ABLIM1: variants seen among roughly 807,000 people sequenced by gnomAD.
ABLIM1 encodes actin binding LIM protein 1.
In ABLIM1, 40 loss-of-function variants were observed where a neutral mutation model predicts 107.0. The ratio of observed to expected loss-of-function variants is 0.37; its 90% CI spans 0.29 to 0.49. The LOEUF (loss-of-function observed/expected upper bound fraction) is 0.49, where lower values mean the gene tolerates loss of function less well. Ranked by LOEUF, ABLIM1 falls within the 20% of genes least tolerant of loss-of-function variation. The probability of loss-of-function intolerance (pLI) is 0.97; values close to 1 mark genes in which losing one functional copy is unlikely to be tolerated. For synonymous variants in ABLIM1, 357 were observed against 357.3 expected (o/e 1.00, Z 0.01); for missense variants, 857 against 1,008.5 (o/e 0.85, Z 2.04).
chr10:114,665,791 A>G (rs539732318), intron 1 of ABLIM1, among the ~76,000 whole-genome samples: 1 of 152,192 alleles, frequency 6.6e-6, no homozygotes. Flanking sequence ...GAGCCCCCAC[A>G]TCTCAGACTG....
intron 2 of ABLIM1, among the ~76,000 whole-genome samples, chr10:114,580,129 C>A (rs1017843202): frequency 2.0e-5 from 3 of 151,216 alleles, no homozygotes; most frequent in Non-Finnish European, 4.4e-5. Flanking sequence ...ACATCTAGCC[C>A]AGCCATCTTA....
chr10:114,736,917 G>A (rs1159844852), intron 1 of ABLIM1, among the ~76,000 whole-genome samples: 5 of 152,154 alleles, frequency 3.3e-5, no homozygotes, highest in Admixed American at 2.0e-4. Flanking sequence ...GGCCCAGCGC[G>A]GTGGCTCAAG....
intron 4 of ABLIM1, among the ~76,000 whole-genome samples, chr10:114,557,675 T>TG (rs58108899): frequency 0.094 from 12,569 of 134,032 alleles, 1,216 homozygotes; most frequent in African/African-American, 0.29. Context: ...TGAGGTGTTT[T>TG]TTTTTTTTTT....
intron 1 of ABLIM1, among the ~76,000 whole-genome samples, chr10:114,627,855 G>A (rs1303074900): frequency 6.6e-6 from 1 of 152,186 alleles, no homozygotes; most frequent in Admixed American, 6.5e-5. Context: ...GGGAACGGTG[G>A]CTCTTGCCTG....
At chr10:114,531,738 G>C (rs186949927) in intron 6 of ABLIM1, among the ~76,000 whole-genome samples, 3 of 151,936 alleles carry the variant, frequency 2.0e-5, no homozygotes, top group Non-Finnish European at 4.4e-5. Flanking sequence ...GGATGGTCTC[G>C]ATCTCCTGAC....
At chr10:114,784,690 GAAA>G in the ABLIM1 span, among the ~76,000 whole-genome samples, 863 of 118,192 alleles carry the variant, frequency 7.3e-3, 13 homozygotes, top group African/African-American at 0.017. Context: ...AAAAGAAAAA[GAAA>G]AAAAAAAAAA....
At chr10:114,550,047 TA>T (rs1336224010) in intron 4 of ABLIM1, among the ~76,000 whole-genome samples, 3 of 152,200 alleles carry the variant, frequency 2.0e-5, no homozygotes, top group African/African-American at 4.8e-5. Flanking sequence ...CATGATAATG[TA>T]AAAAATTTGA....
At chr10:114,522,248 T>A (rs886179935) in intron 6 of ABLIM1, among the ~76,000 whole-genome samples, 2 of 152,226 alleles carry the variant, frequency 1.3e-5, no homozygotes, top group African/African-American at 2.4e-5. Flanking sequence ...GTCGAACACA[T>A]GTTTTCCTCA....
At chr10:114,589,710 T>C (rs566103899) in intron 2 of ABLIM1, among the ~76,000 whole-genome samples, 1 of 152,332 alleles carries the variant, frequency 6.6e-6, no homozygotes, top group South Asian at 2.1e-4. Context: ...GCCTGGCTCT[T>C]TCTTTTTTCT....
At chr10:114,560,378 A>G (rs907154260) in intron 4 of ABLIM1, among the ~76,000 whole-genome samples, 6 of 152,236 alleles carry the variant, frequency 3.9e-5, no homozygotes, top group Admixed American at 2.6e-4. Flanking sequence ...GACTGCATAC[A>G]TGACGGTAGT....
intron 6 of ABLIM1, among the ~76,000 whole-genome samples, chr10:114,499,868 T>C (rs2060161516): frequency 6.6e-6 from 1 of 152,220 alleles, no homozygotes; most frequent in African/African-American, 2.4e-5. Context: ...TTGCGTCTAC[T>C]GGTTTTTTCA....
chr10:114,654,324 G>A (rs2079390626), intron 1 of ABLIM1, among the ~76,000 whole-genome samples: 1 of 152,028 alleles, frequency 6.6e-6, no homozygotes, highest in South Asian at 2.1e-4. Flanking sequence ...TTTTAATTCA[G>A]CCTCCATAGA....
At chr10:114,460,446 C>G (rs149773299) in intron 12 of ABLIM1, among the ~76,000 whole-genome samples, 17 of 151,998 alleles carry the variant, frequency 1.1e-4, no homozygotes, top group Non-Finnish European at 2.9e-5. Context: ...ACTAAAAATA[C>G]GAAAATTAGC....
At chr10:114,792,145 A>C in the ABLIM1 span, among the ~76,000 whole-genome samples, 1 of 152,146 alleles carries the variant, frequency 6.6e-6, no homozygotes, top group Non-Finnish European at 1.5e-5. Flanking sequence ...ACAAGGTGGG[A>C]CCTCATCTCT....
At chr10:114,733,668 TA>T (rs2082121900) in intron 1 of ABLIM1, among the ~76,000 whole-genome samples, 1 of 152,168 alleles carries the variant, frequency 6.6e-6, no homozygotes, top group Non-Finnish European at 1.5e-5. Context: ...AGTATTCTTA[TA>T]ATTAGATAAA....
At chr10:114,585,579 T>G (rs887536814) in intron 2 of ABLIM1, among the ~76,000 whole-genome samples, 16 of 152,186 alleles carry the variant, frequency 1.1e-4, no homozygotes, top group African/African-American at 3.9e-4. Context: ...CAGGTTTTCC[T>G]GCTCTACTTT....
chr10:114,783,555 G>T, the ABLIM1 span, among the ~76,000 whole-genome samples: 5 of 151,830 alleles, frequency 3.3e-5, no homozygotes, highest in Admixed American at 1.3e-4. Flanking sequence ...AAAGGAAGAA[G>T]AAAAAGAAGA....
At chr10:114,694,429 G>C (rs558999584) in intron 1 of ABLIM1, among the ~76,000 whole-genome samples, 2 of 152,282 alleles carry the variant, frequency 1.3e-5, no homozygotes, top group East Asian at 3.9e-4. Flanking sequence ...GGTAAGGGGG[G>C]TGCACTATGC....
intron 1 of ABLIM1, among the ~76,000 whole-genome samples, chr10:114,716,658 A>G (rs1379004305): frequency 6.6e-6 from 1 of 152,198 alleles, no homozygotes; most frequent in Non-Finnish European, 1.5e-5. Context: ...CATCTGGTCT[A>G]AATAATACCA....
Sources: gnomAD v4.1 joint callset for allele counts (sites outside exome capture counted in the v4.1 genomes callset) on GRCh38, gnomAD v4.1.1 for gene constraint, MANE v1.5 for transcripts, NCBI Gene and HGNC (gene_info 2026-07-23, HGNC 2026-07-21) for gene names.